Variants in PCDHGA4 observed in about 807,000 individuals in gnomAD.
PCDHGA4 encodes protocadherin gamma subfamily A, 4, also known as protocadherin gamma-A4.
PCDHGA4 carries 38 observed loss-of-function variants against 54.6 expected under a neutral mutation model. The observed-to-expected ratio is 0.70, with a 90% CI of 0.54 to 0.91. The LOEUF (loss-of-function observed/expected upper bound fraction) is 0.91, where lower values mean the gene tolerates loss of function less well. Ranked by LOEUF, PCDHGA4 falls within the 40% of genes least tolerant of loss-of-function variation. The pLI is 0.00. For synonymous variants in PCDHGA4, 511 were observed against 512.9 expected (o/e 1.00, Z 0.05); for missense variants, 1,298 against 1,220.9 (o/e 1.06, Z -0.94).
chr5:141,374,643 A>G (rs1283839211), intron 1 of PCDHGA4: 1 of 1,612,916 alleles, frequency 6.2e-7, no homozygotes, highest in Admixed American at 1.7e-5. Flanking sequence ...AGCGAAGCCC[A>G]TGGGCCCAAG....
intron 1 of PCDHGA4, chr5:141,371,724 G>A (rs747047802): frequency 1.2e-6 from 2 of 1,614,056 alleles, no homozygotes; most frequent in South Asian, 2.2e-5. Flanking sequence ...GCACATCCTT[G>A]ATGTCAACGA....
intron 1 of PCDHGA4, chr5:141,418,007 C>T: frequency 6.2e-7 from 1 of 1,613,904 alleles, no homozygotes; most frequent in Non-Finnish European, 8.5e-7. Flanking sequence ...GGTGGGGAAC[C>T]TCGCTAAGGA....
chr5:141,357,704 T>C (rs745493003), intron 1 of PCDHGA4, 83 bp downstream of exon 1: 63 of 1,496,340 alleles, frequency 4.2e-5, no homozygotes, highest in Non-Finnish European at 5.5e-5. Flanking sequence ...ATATGTAATA[T>C]ATCAAATAAA....
At chr5:141,426,052 G>T (rs2096912121) in intron 1 of PCDHGA4, among the ~76,000 whole-genome samples, 1 of 152,162 alleles carries the variant, frequency 6.6e-6, no homozygotes, top group South Asian at 2.1e-4. Flanking sequence ...TGGCCAATGT[G>T]CTGCAAGAAC....
At position 141,365,619 on chromosome 5, in the gene PCDHGA4, C is replaced by T. The variant is rs373801138; in HGVS notation, c.2514+7998C>T. The T allele has an allele frequency of 2.5e-6, 4 of 1,613,488 alleles. No homozygotes were observed. The African/African-American group carries it at 4.0e-5, about 16-fold the overall frequency. Reference sequence around the variant, plus strand: ...TTAACCGTCATGGACCATGGAACCCCGCCCCTCTCTACAGAAAGCCACATC... The same window carrying T: ...TTAACCGTCATGGACCATGGAACCCTGCCCCTCTCTACAGAAAGCCACATC... On this transcript the variant is annotated intron_variant, in intron 1 of 3. Transcript: ENST00000571252.
chr5:141,505,443 C>A lies in PCDHGA4; in HGVS notation c.2624C>A (p.Thr875Lys). ...TGTWPNNQFD[T>K]EMLQAMILAS... ...ACCTGGCCCAACAACCAGTTTGACA[C>A]AGAGATGCTGCAAGCCATGATCTTG... Residue 875 changes from threonine to lysine, a missense_variant, in exon 3 of 4, where the codon ACA becomes AAA. Physicochemically the swap from Thr to Lys is moderately conservative, Grantham distance 78. Transcript: ENST00000571252. 2 of 1,614,224 alleles carry A rather than the reference C, an allele frequency of 1.2e-6. No homozygotes were observed. Among genetic ancestry groups the A allele is most frequent in the Non-Finnish European group, 8.5e-7 (1 of 1,180,042 alleles).
At chr5:141,398,511 C>A in intron 1 of PCDHGA4, 1 of 1,595,066 alleles carries the variant, frequency 6.3e-7, no homozygotes, top group Non-Finnish European at 8.5e-7. Flanking sequence ...ACATTAATGA[C>A]CACACGCCAA....
rs549051669 is a variant in PCDHGA4, at chr5:141,450,866, C to A, written c.2515-43941C>A. 4.7e-5 allele frequency among the ~76,000 whole-genome samples: 7 copies of A among 149,836 alleles called. No homozygotes were observed. In the East Asian group the frequency reaches 1.4e-3, roughly 29 times the overall value. On this transcript the variant is annotated intron_variant, in intron 1 of 3. Transcript: ENST00000571252. ...TTGAGATGGGGTCTTGCTCTGTCAC[C>A]CAGGCTGGTGTGCAGTGGTGCGATA...
rs1379875429 is a variant in PCDHGA4 at position 141,491,125 on chromosome 5, C to T, written c.2515-3682C>T. 3.1e-6 allele frequency: 5 copies of T among 1,614,020 alleles called. No homozygotes were observed. The highest frequency in any genetic ancestry group is 4.2e-6 in the Non-Finnish European group (5 of 1,179,992). ...CGTGTCTACACACACTGGTGAGGTG[C>T]GCACAGCCCGGGCCTTACTGGAGGA... On this transcript the variant is annotated intron_variant, in intron 1 of 3. Coordinates refer to ENST00000571252, the MANE Select transcript of PCDHGA4 (RefSeq NM_018917.4). The surrounding 1 kb of genome is among the most constrained non-coding windows in gnomAD (Gnocchi z 6.9).
At chr5:141,393,886 A>G (rs944974638) in intron 1 of PCDHGA4, 3 of 1,614,034 alleles carry the variant, frequency 1.9e-6, no homozygotes, top group Admixed American at 1.7e-5. Context: ...CCAGTGTTAG[A>G]AAATTCTCTT....
chr5:141,392,883 T>C, intron 1 of PCDHGA4: 1 of 1,613,518 alleles, frequency 6.2e-7, no homozygotes, highest in Non-Finnish European at 8.5e-7. Flanking sequence ...GGGAACGCTG[T>C]GGGAAATCGG....
chr5:141,356,934 AC>A lies in PCDHGA4; in HGVS notation c.1831del (p.Arg611AlafsTer9), dbSNP rs1375137728. On this transcript the variant is annotated frameshift_variant, in exon 1 of 4. Coordinates refer to ENST00000571252, the MANE Select transcript of PCDHGA4 (RefSeq NM_018917.4). LOFTEE classifies it high-confidence loss of function. The stretch of plus-strand genomic sequence containing the variant: ...ATGGCTCCACTGGTGTGGAGCTGGC[AC>A]CCCGCTCCGCAGATTCCGGCTACCT... ...TDGSTGVELA[P>X]RSADSGYLVT... 2 of 1,613,894 alleles carry A rather than the reference AC, an allele frequency of 1.2e-6. No homozygotes were observed. The highest frequency in any genetic ancestry group is 2.7e-5 in the African/African-American group (2 of 74,946).
intron 1 of PCDHGA4, among the ~76,000 whole-genome samples, chr5:141,434,766 A>T (rs1383531828): frequency 1.3e-5 from 2 of 151,012 alleles, no homozygotes; most frequent in Non-Finnish European, 3.0e-5. Context: ...CCCACTTCAC[A>T]CTTCTAAAAA....
At chr5:141,464,408 T>C (rs2154568477) in intron 1 of PCDHGA4, among the ~76,000 whole-genome samples, 1 of 151,718 alleles carries the variant, frequency 6.6e-6, no homozygotes, top group African/African-American at 2.4e-5. Flanking sequence ...CTGAGATATA[T>C]ATATATCTAT....
At chr5:141,388,906 A>G (rs943139475) in intron 1 of PCDHGA4, 5 of 1,613,898 alleles carry the variant, frequency 3.1e-6, no homozygotes, top group African/African-American at 2.7e-5. Flanking sequence ...GAAAATGACA[A>G]CGCCCCAGAA....
chr5:141,379,975 C>T (rs2150153765), intron 1 of PCDHGA4, among the ~76,000 whole-genome samples: 1 of 132,632 alleles, frequency 7.5e-6, no homozygotes, highest in South Asian at 2.6e-4. Flanking sequence ...TCTCTGCTCA[C>T]TGCAACTTCC....
At chr5:141,413,588 A>C in intron 1 of PCDHGA4, 1 of 1,613,922 alleles carries the variant, frequency 6.2e-7, no homozygotes, top group South Asian at 1.1e-5. Flanking sequence ...CCAAAATTCC[A>C]AGCAGAAAAT....
At position 141,414,898 on chromosome 5, in the gene PCDHGA4, G is replaced by A. The variant is rs1369274783; in HGVS notation, c.2514+57277G>A. On this transcript the variant is annotated intron_variant, in intron 1 of 3. Coordinates refer to ENST00000571252, the MANE Select transcript of PCDHGA4 (RefSeq NM_018917.4). ...CCTGTACCCCGCCCTCCCCACAGAC[G>A]GTTCCACAGGCGTGGAGCTGGCGCC... is the stretch of plus-strand genomic sequence containing the variant. 2.5e-6 allele frequency: 4 copies of A among 1,614,190 alleles called. No individual in the cohort carries two copies. Among genetic ancestry groups the A allele is most frequent in the Admixed American group, 1.7e-5 (1 of 60,028 alleles).
chr5:141,465,366 A>G (rs2099102089), intron 1 of PCDHGA4, among the ~76,000 whole-genome samples: 1 of 152,154 alleles, frequency 6.6e-6, no homozygotes, highest in Non-Finnish European at 1.5e-5. Flanking sequence ...GGTGCCCTTT[A>G]AAGTTGTAAG....
Sources: gnomAD v4.1 joint callset for allele counts (sites outside exome capture counted in the v4.1 genomes callset) on GRCh38, gnomAD v4.1.1 for gene constraint, Gnocchi (gnomAD v3.1) non-coding constraint, MANE v1.5 for transcripts, NCBI Gene and HGNC (gene_info 2026-07-23, HGNC 2026-07-21) for gene names.